Variants in SPACA3 observed in about 807,000 individuals in gnomAD.
SPACA3 encodes the protein sperm acrosome membrane-associated protein 3.
SPACA3 carries 21 observed loss-of-function variants against 24.5 expected under a neutral mutation model. The ratio of observed to expected loss-of-function variants is 0.86; its 90% CI spans 0.61 to 1.24. SPACA3 has a LOEUF of 1.24. Among genes scored for constraint, SPACA3 ranks in the 50% most tolerant of loss-of-function variants. The pLI is 0.00. For missense variants in SPACA3, 278 were observed against 275.5 expected (o/e 1.01, Z -0.06); for synonymous variants, 115 against 106.9 (o/e 1.08, Z -0.47).
At position 32,996,942 on chromosome 17, in the gene SPACA3, G is replaced by A. The variant is rs757298780; in HGVS notation, c.443G>A (p.Arg148Gln). 27 of 1,605,916 alleles carry A rather than the reference G, an allele frequency of 1.7e-5. No homozygotes were observed. Among genetic ancestry groups the A allele is most frequent in the East Asian group, 6.8e-5 (3 of 44,376 alleles). ...AACGGGATCTTCCAGATCAACAGCC[G>A]GAGGTGGTGCAGCAACCTCACCCCG... ...TNNGIFQINSRRWCSNLTPNV... is the reference protein window; with the variant it reads ...TNNGIFQINSQRWCSNLTPNV... Residue 148 changes from arginine to glutamine, a missense_variant, in exon 3 of 5, where the codon CGG becomes CAG. Arg to Gln is a conservative substitution (Grantham distance 43, BLOSUM62 1). Coordinates refer to ENST00000269053, the MANE Select transcript of SPACA3 (RefSeq NM_173847.5).
intron 1 of SPACA3, among the ~76,000 whole-genome samples, chr17:32,992,455 T>A (rs2091695415): frequency 1.3e-5 from 2 of 152,034 alleles, no homozygotes; most frequent in South Asian, 2.1e-4. Flanking sequence ...TGGACTTGAG[T>A]TTCAGAAGCA....
At chr17:32,996,638 A>G (rs28962) in intron 2 of SPACA3, among the ~76,000 whole-genome samples, 2 of 152,178 alleles carry the variant, frequency 1.3e-5, no homozygotes, top group South Asian at 4.1e-4. Context: ...GCTATTTGGT[A>G]GCTGGATGGG....
chr17:32,995,773 C>T, intron 2 of SPACA3, 56 bp downstream of exon 2: 1 of 1,551,234 alleles, frequency 6.4e-7, no homozygotes, highest in Non-Finnish European at 8.8e-7. Context: ...CTCCCTCTTT[C>T]CCTCCCTCTC....
At chr17:32,995,861 T>G (rs1598223870) in intron 2 of SPACA3, 144 bp downstream of exon 2, 1 of 1,011,036 alleles carries the variant, frequency 9.9e-7, no homozygotes, top group Non-Finnish European at 1.4e-6. Flanking sequence ...AGATGGCAGG[T>G]AGAGAACAGC....
chr17:32,997,375 A>C (rs2091729034), intron 3 of SPACA3, 70 bp from the exon 4 acceptor site: 1 of 1,157,692 alleles, frequency 8.6e-7, no homozygotes, highest in Non-Finnish European at 1.3e-6. Context: ...ACAGATACAC[A>C]CTCACACACA....
At chr17:32,993,262 G>A (rs2091702066) in intron 1 of SPACA3, among the ~76,000 whole-genome samples, 1 of 152,250 alleles carries the variant, frequency 6.6e-6, no homozygotes, top group African/African-American at 2.4e-5. Context: ...GGGCATTCAA[G>A]TGGAAGTGTC....
At chr17:32,994,402 G>C (rs1037196614) in intron 1 of SPACA3, among the ~76,000 whole-genome samples, 3 of 152,210 alleles carry the variant, frequency 2.0e-5, no homozygotes, top group Admixed American at 6.5e-5. Context: ...GCAGAGGGGG[G>C]CTTCCAACCC....
chr17:32,992,207 A>G (rs2091694082), intron 1 of SPACA3, among the ~76,000 whole-genome samples: 1 of 139,086 alleles, frequency 7.2e-6, no homozygotes, highest in African/African-American at 2.8e-5. Flanking sequence ...AAAAAAAAAA[A>G]ATCAAAAACA....
At chr17:32,995,259 T>C (rs2091714541) in intron 1 of SPACA3, 150 bp from the exon 2 acceptor site, 1 of 682,964 alleles carries the variant, frequency 1.5e-6, no homozygotes, top group East Asian at 2.7e-5. Context: ...TTTCTTCCTG[T>C]CTCTGGCCTG....
chr17:32,993,646 G>A (rs1250951172), intron 1 of SPACA3, among the ~76,000 whole-genome samples: 3 of 151,290 alleles, frequency 2.0e-5, no homozygotes, highest in Non-Finnish European at 4.4e-5. Context: ...GGTGATGGCA[G>A]GGAGGCCAAT....
chr17:32,993,866 C>T (rs1290480558), intron 1 of SPACA3, among the ~76,000 whole-genome samples: 2 of 151,848 alleles, frequency 1.3e-5, no homozygotes, highest in Admixed American at 6.6e-5. Flanking sequence ...GGAGGGACAA[C>T]GGATGGAGCA....
intron 2 of SPACA3, among the ~76,000 whole-genome samples, 173 bp downstream of exon 2, chr17:32,995,890 G>T (rs776263872): frequency 9.2e-5 from 14 of 152,162 alleles, no homozygotes; most frequent in African/African-American, 3.1e-4. Flanking sequence ...AGTAAAACAC[G>T]CAGTAGGCAG....
rs1567712243 is a variant in SPACA3, at chr17:32,996,944, AG to A, written c.447del (p.Arg149SerfsTer22). 1.2e-6 allele frequency: 2 copies of A among 1,605,362 alleles called. No homozygotes were observed. Among genetic ancestry groups the A allele is most frequent in the Non-Finnish European group, 1.7e-6 (2 of 1,175,678 alleles). On this transcript the variant is annotated frameshift_variant, in exon 3 of 5. Coordinates refer to ENST00000269053, the MANE Select transcript of SPACA3 (RefSeq NM_173847.5). LOFTEE classifies it high-confidence loss of function. ...NNGIFQINSRRWCSNLTPNVP... is the reference protein window; with the variant it reads ...NNGIFQINSRXWCSNLTPNVP... ...CGGGATCTTCCAGATCAACAGCCGGAGGTGGTGCAGCAACCTCACCCCGAAC... is the reference window on the plus strand; with the variant it reads ...CGGGATCTTCCAGATCAACAGCCGGAGTGGTGCAGCAACCTCACCCCGAAC...
Position 32,995,526 on chromosome 17 carries a change from C to G in SPACA3, c.152C>G (p.Ala51Gly), listed in dbSNP as rs1264127149. The change falls in exon 2 of 5, where the codon GCC becomes GGC. Residue 51 changes from alanine (A) to glycine (G), a missense_variant. Ala to Gly is a moderately conservative substitution (Grantham distance 60). Transcript: ENST00000269053. ...SQSGGGSTSA[A>G]GIEARSRALR... is the part of the protein sequence containing the mutation. ...AGTGGTGGTGGCTCCACCTCTGCCGCCGGCATAGAAGCCAGGAGCAGGGCT... is the reference window on the plus strand; with the variant it reads ...AGTGGTGGTGGCTCCACCTCTGCCGGCGGCATAGAAGCCAGGAGCAGGGCT... 2 of 1,614,228 alleles carry G rather than the reference C, an allele frequency of 1.2e-6. No individual in the cohort carries two copies. The highest frequency in any genetic ancestry group is 1.7e-6 in the Non-Finnish European group (2 of 1,180,038).
At chr17:32,997,335 G>T in intron 3 of SPACA3, 110 bp from the exon 4 acceptor site, 1 of 786,858 alleles carries the variant, frequency 1.3e-6, no homozygotes, top group Non-Finnish European at 2.1e-6. Context: ...GTGTGTGTGT[G>T]TGTGTGTGTA....
At chr17:32,994,670 C>G (rs931441272) in intron 1 of SPACA3, among the ~76,000 whole-genome samples, 4 of 152,046 alleles carry the variant, frequency 2.6e-5, no homozygotes, top group Non-Finnish European at 2.9e-5. Flanking sequence ...GGACAAGAAG[C>G]AGGGATGACC....
intron 3 of SPACA3, 129 bp from the exon 4 acceptor site, chr17:32,997,312 AGTGT>A (rs376224282): frequency 0.012 from 5,978 of 504,676 alleles, 31 homozygotes; most frequent in East Asian, 0.054. Flanking sequence ...AGGCGAGTGG[AGTGT>A]GTGTGTGTGT....
rs778098596 is a variant in SPACA3 at position 32,991,888 on chromosome 17, T to C, written c.-51T>C. ...GGCCCTGGCAAGGTTGTGGGGGACA[T>C]CTTGAGCTGAAGCAGGGTTTTGAGC... On this transcript the variant is annotated 5_prime_UTR_variant, in exon 1 of 5. Transcript: ENST00000269053. The C allele has an allele frequency of 7.4e-6, 12 of 1,613,486 alleles. No individual in the cohort carries two copies. The highest frequency in any genetic ancestry group is 2.2e-5 in the East Asian group (1 of 44,844).
Position 32,995,593 on chromosome 17 carries a change from C to CCTGGTCTGT in SPACA3, c.223_231dup (p.Val75_Leu77dup). 6.2e-7 allele frequency: 1 copy of CCTGGTCTGT among 1,614,214 alleles called. No individual in the cohort carries two copies. Among genetic ancestry groups the CCTGGTCTGT allele is most frequent in the Middle Eastern group, 1.6e-4 (1 of 6,062 alleles). On this transcript the variant is annotated inframe_insertion, in exon 2 of 5. Transcript: ENST00000269053. ...GCCCAGCTGGGATCATGTTGTTGGC[C>CCTGGTCTGT]CTGGTCTGTCTGCTCAGCTGCCTGC...
Sources: gnomAD v4.1 joint callset for allele counts (sites outside exome capture counted in the v4.1 genomes callset) on GRCh38, gnomAD v4.1.1 for gene constraint, MANE v1.5 for transcripts, NCBI Gene and HGNC (gene_info 2026-07-23, HGNC 2026-07-21) for gene names.